Variants in TBC1D22A observed in about 807,000 individuals in gnomAD.
The protein encoded by TBC1D22A is putative GTPase activator.
Under a neutral mutation model 60.2 loss-of-function variants are expected in TBC1D22A, and 38 were observed. That is an observed-to-expected ratio of 0.63 (90% CI 0.49 to 0.83). The LOEUF is 0.83. Among genes scored for constraint, TBC1D22A ranks in the 40% least tolerant of loss-of-function variants. The pLI is 0.00. For missense variants in TBC1D22A, 628 were observed against 701.0 expected (o/e 0.90, Z 1.18); for synonymous variants, 302 against 281.7 (o/e 1.07, Z -0.72).
rs545819056 is a variant in TBC1D22A at position 46,813,032 on chromosome 22, T to C, written c.637+15412T>C. Among the ~76,000 whole-genome samples the C allele has an allele frequency of 2.6e-5, 4 of 152,314 alleles. No individual in the cohort carries two copies. The South Asian group carries it at 8.3e-4, about 32-fold the overall frequency. ...CTGCTGCCCCTTGGTCCGCTCTTTGTCTCCCAGGCGGCTCCGCAGGTCTTT... is the reference window on the plus strand; with the variant it reads ...CTGCTGCCCCTTGGTCCGCTCTTTGCCTCCCAGGCGGCTCCGCAGGTCTTT... On this transcript the variant is annotated intron_variant, in intron 4 of 12. Coordinates refer to ENST00000337137, the MANE Select transcript of TBC1D22A (RefSeq NM_014346.5).
At chr22:47,042,883 C>G (rs2062896893) in intron 11 of TBC1D22A, among the ~76,000 whole-genome samples, 1 of 152,234 alleles carries the variant, frequency 6.6e-6, no homozygotes. Context: ...CAGTGCAAGC[C>G]TCGCCATCCC....
At chr22:46,829,844 G>C (rs2086233080) in intron 4 of TBC1D22A, among the ~76,000 whole-genome samples, 1 of 152,160 alleles carries the variant, frequency 6.6e-6, no homozygotes, top group South Asian at 2.1e-4. Context: ...AGTGCCGCGT[G>C]AAACAATTTT....
intron 12 of TBC1D22A, among the ~76,000 whole-genome samples, chr22:47,129,947 G>A (rs2066624237): frequency 6.6e-6 from 1 of 152,200 alleles, no homozygotes; most frequent in Non-Finnish European, 1.5e-5. Context: ...TACAGCGGAA[G>A]AGGGAAGCTG....
chr22:46,913,371 T>G, intron 8 of TBC1D22A: 2 of 1,366,552 alleles, frequency 1.5e-6, no homozygotes, highest in Non-Finnish European at 2.0e-6. Flanking sequence ...TTCCCATCCT[T>G]GCTGTGATCT....
intron 12 of TBC1D22A, among the ~76,000 whole-genome samples, chr22:47,122,393 C>T (rs2066301906): frequency 6.6e-6 from 1 of 152,200 alleles, no homozygotes; most frequent in African/African-American, 2.4e-5. Flanking sequence ...TGTCCCATCA[C>T]AGAGGAGGGG....
Position 46,907,859 on chromosome 22 carries a change from T to A in TBC1D22A, c.901-4215T>A, listed in dbSNP as rs141623456. Among the ~76,000 whole-genome samples, 123 of 152,238 alleles carry A rather than the reference T, an allele frequency of 8.1e-4. 1 individual carries two copies. The East Asian group carries it at 0.02, about 24-fold the overall frequency. On this transcript the variant is annotated intron_variant, in intron 7 of 12. Coordinates refer to ENST00000337137, the MANE Select transcript of TBC1D22A (RefSeq NM_014346.5). The stretch of plus-strand genomic sequence containing the variant: ...GAGCTTGTCTCTGAGGAGATGCATG[T>A]GAACTAAGACTTGGGTGGAACATCG...
At chr22:47,019,449 A>G (rs1603025565) in intron 10 of TBC1D22A, among the ~76,000 whole-genome samples, 1 of 152,358 alleles carries the variant, frequency 6.6e-6, no homozygotes, top group South Asian at 2.1e-4. Context: ...TTTCTGTGAC[A>G]GCGAGCGTGA....
At chr22:47,031,403 C>T (rs2062469594) in intron 10 of TBC1D22A, among the ~76,000 whole-genome samples, 1 of 152,246 alleles carries the variant, frequency 6.6e-6, no homozygotes, top group Non-Finnish European at 1.5e-5. Context: ...AGGCCCTGGT[C>T]AATCTTTCCT....
intron 1 of TBC1D22A, among the ~76,000 whole-genome samples, chr22:46,768,491 A>G (rs2083373889): frequency 6.7e-6 from 1 of 149,766 alleles, no homozygotes; most frequent in African/African-American, 2.4e-5. Flanking sequence ...TCTCAAAAAA[A>G]AAAAAAAAAA....
At chr22:46,971,826 G>C (rs548869550) in intron 8 of TBC1D22A, among the ~76,000 whole-genome samples, 1 of 152,238 alleles carries the variant, frequency 6.6e-6, no homozygotes, top group East Asian at 1.9e-4. Context: ...GAGTCCCTGT[G>C]GGGGCTTCAT....
chr22:46,885,248 G>C lies in TBC1D22A; in HGVS notation c.709-6018G>C, dbSNP rs539812814. ...TCTTAGCATGCGGATTTGTCCCCAG[G>C]TCTTCGGTGACTTGGGATCACATGG... On this transcript the variant is annotated intron_variant, in intron 5 of 12. Transcript: ENST00000337137. Among the ~76,000 whole-genome samples, 4 of 152,294 alleles carry C rather than the reference G, an allele frequency of 2.6e-5. No homozygotes were observed. The South Asian group carries it at 8.3e-4, about 32-fold the overall frequency.
At chr22:47,020,601 G>A (rs557680984) in intron 10 of TBC1D22A, among the ~76,000 whole-genome samples, 2 of 152,074 alleles carry the variant, frequency 1.3e-5, no homozygotes, top group East Asian at 3.9e-4. Context: ...TTTCCAAGCT[G>A]GAGTTTGGGG....
At chr22:46,932,154 T>C (rs1465737857) in intron 8 of TBC1D22A, among the ~76,000 whole-genome samples, 1 of 152,236 alleles carries the variant, frequency 6.6e-6, no homozygotes, top group Non-Finnish European at 1.5e-5. Flanking sequence ...TGGTGACTAG[T>C]GGCGGGTTCA....
intron 11 of TBC1D22A, among the ~76,000 whole-genome samples, chr22:47,038,212 C>T (rs190715364): frequency 1.4e-4 from 21 of 152,330 alleles, no homozygotes; most frequent in Admixed American, 7.8e-4. Flanking sequence ...AAGCGTATGG[C>T]TGGTTTTCAT....
intron 8 of TBC1D22A, among the ~76,000 whole-genome samples, chr22:46,968,265 GCATGTAGACTAATCAGGCAGAGC>G: frequency 6.6e-6 from 1 of 152,358 alleles, no homozygotes; most frequent in East Asian, 1.9e-4. Context: ...CCGATGAAAA[GCATGTAGACTAATCAGGCAGAGC>G]CCTGGTTCAT....
chr22:47,144,332 C>T (rs548279187), intron 12 of TBC1D22A, among the ~76,000 whole-genome samples: 106 of 152,288 alleles, frequency 7.0e-4, no homozygotes, highest in African/African-American at 2.3e-3. Context: ...GGCGTCCAAC[C>T]GGAAAGGTCC....
At chr22:47,026,084 A>G (rs968348535) in intron 10 of TBC1D22A, among the ~76,000 whole-genome samples, 2 of 152,250 alleles carry the variant, frequency 1.3e-5, no homozygotes, top group Admixed American at 6.5e-5. Flanking sequence ...TTTTCAGTCA[A>G]TGTAATTCTT....
intron 11 of TBC1D22A, among the ~76,000 whole-genome samples, chr22:47,064,387 C>T (rs1410613705): frequency 6.6e-6 from 1 of 152,262 alleles, no homozygotes; most frequent in African/African-American, 2.4e-5. Context: ...ATCCCTGTTG[C>T]ACGTCTCTGC....
At chr22:47,157,231 C>A (rs1350087512) in intron 12 of TBC1D22A, among the ~76,000 whole-genome samples, 1 of 152,212 alleles carries the variant, frequency 6.6e-6, no homozygotes, top group South Asian at 2.1e-4. Context: ...GTGCTGTAGT[C>A]CGCGGCTCCT....
Sources: gnomAD v4.1 joint callset for allele counts (sites outside exome capture counted in the v4.1 genomes callset) on GRCh38, gnomAD v4.1.1 for gene constraint, MANE v1.5 for transcripts, NCBI Gene and HGNC (gene_info 2026-07-23, HGNC 2026-07-21) for gene names.